The following ANKFN1 variants were observed in gnomAD, a reference collection of about 807,000 sequenced individuals.
The protein encoded by ANKFN1 is ankyrin repeat and fibronectin type-III domain-containing protein 1.
ANKFN1 carries 74 observed loss-of-function variants against 108.7 expected under a neutral mutation model. That is an observed-to-expected ratio of 0.68 (90% confidence interval 0.56 to 0.83). The LOEUF (loss-of-function observed/expected upper bound fraction) is 0.83, where lower values mean the gene tolerates loss of function less well. ANKFN1 is among the 40% of genes least tolerant of loss of function. The pLI, the probability that ANKFN1 is intolerant of heterozygous loss-of-function variation, is 0.00. For missense variants in ANKFN1, 1,505 were observed against 1,382.3 expected (o/e 1.09, Z -1.41); for synonymous variants, 547 against 516.2 (o/e 1.06, Z -0.81).
intron 2 of ANKFN1, among the ~76,000 whole-genome samples, chr17:56,223,306 G>A (rs959134175): frequency 1.3e-5 from 2 of 152,186 alleles, no homozygotes; most frequent in African/African-American, 4.8e-5. Context: ...AAATAAATCT[G>A]TGCAGTTCTG....
intron 8 of ANKFN1, among the ~76,000 whole-genome samples, chr17:56,391,214 T>TAC (rs1462105848): frequency 3.9e-4 from 3 of 7,708 alleles, no homozygotes; most frequent in South Asian, 3.2e-3. Context: ...CAAGAATACA[T>TAC]ATATATATAT....
chr17:56,281,609 A>T (rs922720353), intron 3 of ANKFN1, among the ~76,000 whole-genome samples: 1 of 152,200 alleles, frequency 6.6e-6, no homozygotes, highest in Non-Finnish European at 1.5e-5. Flanking sequence ...GTCACATAGG[A>T]CTTATATTCA....
intron 4 of ANKFN1, among the ~76,000 whole-genome samples, chr17:56,144,148 G>T (rs1048980320): frequency 1.8e-5 from 2 of 113,796 alleles, no homozygotes; most frequent in Admixed American, 1.1e-4. Context: ...ACAAACAGAG[G>T]CGCATCTGAA....
rs367699079 is a variant in ANKFN1 at position 56,126,710 on chromosome 17, A to G, written c.288+80385A>G. On this transcript the variant is annotated intron_variant, in intron 4 of 12. Coordinates refer to the ANKFN1 transcript ENST00000635860. Reference sequence around the variant, plus strand: ...ATGATTTGTAAGGCTCTCCAGGACCAAAAGGGGGCACTCTTAGCACTTGCT... The same window carrying G: ...ATGATTTGTAAGGCTCTCCAGGACCGAAAGGGGGCACTCTTAGCACTTGCT... Among the ~76,000 whole-genome samples, 23 of 152,352 alleles carry G rather than the reference A, an allele frequency of 1.5e-4. 1 individual carries two copies. Among genetic ancestry groups the G allele is most frequent in the African/African-American group, 5.3e-4 (22 of 41,590 alleles).
chr17:56,101,073 C>T (rs188670971), intron 4 of ANKFN1, among the ~76,000 whole-genome samples: 7 of 152,080 alleles, frequency 4.6e-5, no homozygotes, highest in Admixed American at 1.3e-4. Flanking sequence ...TTCTGCCGTA[C>T]GTGGATACAA....
intron 1 of ANKFN1, among the ~76,000 whole-genome samples, chr17:56,158,245 C>T (rs1176192573): frequency 3.9e-5 from 6 of 152,180 alleles, no homozygotes; most frequent in Admixed American, 6.5e-5. Context: ...GTTATCTTGC[C>T]TAATTCCTAG....
intron 8 of ANKFN1, among the ~76,000 whole-genome samples, chr17:56,396,369 G>T (rs2047584352): frequency 6.6e-6 from 1 of 152,118 alleles, no homozygotes; most frequent in Non-Finnish European, 1.5e-5. Flanking sequence ...GATCACTTGA[G>T]CCCAGGAGGC....
At chr17:56,197,677 G>T (rs576696872) in intron 1 of ANKFN1, among the ~76,000 whole-genome samples, 1 of 152,176 alleles carries the variant, frequency 6.6e-6, no homozygotes, top group Non-Finnish European at 1.5e-5. Context: ...GCTCTGAAAA[G>T]GACAAATCCC....
intron 3 of ANKFN1, among the ~76,000 whole-genome samples, chr17:56,254,989 T>G (rs1222857250): frequency 6.6e-6 from 1 of 152,134 alleles, no homozygotes; most frequent in Non-Finnish European, 1.5e-5. Context: ...CCATTAACAC[T>G]AGACTTAAAT....
chr17:56,448,330 C>T (rs1568009276), intron 10 of ANKFN1, among the ~76,000 whole-genome samples: 1 of 151,440 alleles, frequency 6.6e-6, no homozygotes, highest in Non-Finnish European at 1.5e-5. Context: ...ACAATCTTGA[C>T]ATTAGTCCCA....
chr17:56,221,121 CAA>C (rs1227639429), intron 2 of ANKFN1, among the ~76,000 whole-genome samples: 3 of 151,966 alleles, frequency 2.0e-5, no homozygotes, highest in Non-Finnish European at 2.9e-5. Flanking sequence ...AGAGCAAGAG[CAA>C]GAGAGAGAGA....
intron 4 of ANKFN1, among the ~76,000 whole-genome samples, chr17:56,087,647 G>T (rs989405486): frequency 1.3e-5 from 2 of 151,356 alleles, no homozygotes; most frequent in Non-Finnish European, 1.5e-5. Context: ...CCCAGTCCTT[G>T]AGGGTTAACA....
At chr17:56,054,612 T>TAA (rs1272223208) in intron 4 of ANKFN1, among the ~76,000 whole-genome samples, 1 of 152,208 alleles carries the variant, frequency 6.6e-6, no homozygotes, top group Non-Finnish European at 1.5e-5. Context: ...TACCTGAATT[T>TAA]AAAAATACTT....
Position 56,124,028 on chromosome 17 carries a change from C to T in ANKFN1, c.288+77703C>T, listed in dbSNP as rs567943471. On this transcript the variant is annotated intron_variant, in intron 4 of 12. Transcript: ENST00000635860. ...ACCAGTAGACGAGGGGTCCATGGTG[C>T]GCAGAAAACCAAACAAGTATACCAA... is the stretch of plus-strand genomic sequence containing the variant. Among the ~76,000 whole-genome samples the T allele has an allele frequency of 1.9e-3, 283 of 152,156 alleles. 2 individuals carry two copies. Among genetic ancestry groups the T allele is most frequent in the African/African-American group, 5.9e-3 (244 of 41,512 alleles).
At chr17:56,183,745 G>A (rs372838786) in intron 1 of ANKFN1, among the ~76,000 whole-genome samples, 4 of 152,226 alleles carry the variant, frequency 2.6e-5, no homozygotes, top group African/African-American at 9.6e-5. Flanking sequence ...CCAGTCTCAG[G>A]TATATCTTTG....
intron 3 of ANKFN1, among the ~76,000 whole-genome samples, chr17:56,274,823 T>G (rs2043882994): frequency 6.6e-6 from 1 of 152,144 alleles, no homozygotes; most frequent in Non-Finnish European, 1.5e-5. Context: ...TCCCACTTAT[T>G]CTGACTGGTA....
chr17:56,189,080 C>G (rs1023220710), intron 1 of ANKFN1, among the ~76,000 whole-genome samples: 2 of 151,892 alleles, frequency 1.3e-5, no homozygotes, highest in Non-Finnish European at 2.9e-5. Flanking sequence ...TTCCCTATAC[C>G]TGGCCCTTTG....
intron 12 of ANKFN1, 54 bp from the exon 13 acceptor site, chr17:56,457,194 TCCAAAAAAA>T: frequency 6.2e-6 from 9 of 1,456,542 alleles, no homozygotes; most frequent in African/African-American, 1.4e-5. Flanking sequence ...TTTTATCACA[TCCAAAAAAA>T]TATTTTTCCA....
intron 8 of ANKFN1, among the ~76,000 whole-genome samples, chr17:56,393,594 A>T (rs762903374): frequency 1.3e-5 from 2 of 152,216 alleles, no homozygotes; most frequent in Non-Finnish European, 2.9e-5. Flanking sequence ...TGAAAGCAAA[A>T]ATTCTGTGTA....
Sources: gnomAD v4.1 joint callset for allele counts (sites outside exome capture counted in the v4.1 genomes callset) on GRCh38, gnomAD v4.1.1 for gene constraint, MANE v1.5 for transcripts, NCBI Gene and HGNC (gene_info 2026-07-23, HGNC 2026-07-21) for gene names.